Variants in ZNF721 observed in about 807,000 individuals in gnomAD.
ZNF721 encodes the protein zinc finger protein 721.
A neutral mutation model predicts 2.4 loss-of-function variants in ZNF721; 2 were observed. That is an observed-to-expected ratio of 0.82 (90% CI 0.34 to 2.58). The LOEUF (loss-of-function observed/expected upper bound fraction) is 2.58. ZNF721 is among the 30% of genes most tolerant of loss of function. The pLI is 0.11. For missense variants in ZNF721, 1,187 were observed against 1,085.5 expected, an observed-to-expected ratio of 1.09 and a Z score of -1.31; for synonymous variants, 398 against 381.8, an observed-to-expected ratio of 1.04 and a Z score of -0.50.
intron 2 of ZNF721, among the ~76,000 whole-genome samples, chr4:463,097 A>G (rs1553866300): frequency 6.6e-6 from 1 of 152,250 alleles, no homozygotes; most frequent in East Asian, 1.9e-4. Context: ...TGGGCAAAGG[A>G]TATGAACAGA....
chr4:458,041 G>C (rs1553865596), intron 2 of ZNF721, among the ~76,000 whole-genome samples: 1 of 152,222 alleles, frequency 6.6e-6, no homozygotes. Flanking sequence ...CTGTGATCAA[G>C]GGTCAGTACT....
intron 2 of ZNF721, among the ~76,000 whole-genome samples, chr4:445,363 C>A (rs1369929370): frequency 6.6e-6 from 1 of 152,098 alleles, no homozygotes; most frequent in Non-Finnish European, 1.5e-5. Context: ...AAGAGACATC[C>A]TTCCAACATG....
At chr4:481,575 CT>C (rs77613258) in intron 1 of ZNF721, among the ~76,000 whole-genome samples, 28,544 of 142,644 alleles carry the variant, frequency 0.2, 2,743 homozygotes, top group Middle Eastern at 0.25. Context: ...TCTTTTCTTT[CT>C]TTTTTTTTTT....
rs144969741 is a variant in ZNF721 at position 441,602 on chromosome 4, C to T, written c.*93G>A. The stretch of plus-strand genomic sequence containing the variant: ...AGGATTGAGGAGCATTTAAAGACCG[C>T]GACATTCGTCACCTTCGTAAGACAT... On this transcript the variant is annotated 3_prime_UTR_variant, in exon 3 of 3. Transcript: ENST00000511833. The T allele has an allele frequency of 6.3e-5, 68 of 1,085,964 alleles. No homozygotes were observed. Among genetic ancestry groups the T allele is most frequent in the Middle Eastern group, 2.1e-4 (1 of 4,796 alleles). The allele number at this position is 1,085,964 out of a possible 1,614,324, so 67.3% of individuals were successfully genotyped here.
At chr4:484,785 GC>G (rs1715851961) in intron 1 of ZNF721, among the ~76,000 whole-genome samples, 1 of 152,096 alleles carries the variant, frequency 6.6e-6, no homozygotes, top group South Asian at 2.1e-4. Context: ...TTTCACCCTG[GC>G]CCTGTGGTCC....
In ZNF721 at chr4:442,268, G is replaced by C; in HGVS notation, c.2199C>G (p.Ser733=). Residue 733 remains serine (S), a synonymous_variant, in exon 3 of 3, where the codon TCC becomes TCG. Coordinates refer to ENST00000511833, the MANE Select transcript of ZNF721 (RefSeq NM_133474.4). ...KPYKCEDRGR[S]FGWSTNLNEY... is the part of the protein sequence containing the mutation. ...CGTTCAGGTTTGTGGACCATCCAAA[G>C]GATCTGCCACGATCTTCACATTTGT... 2 of 1,613,312 alleles carry C rather than the reference G, an allele frequency of 1.2e-6. No individual in the cohort carries two copies. The highest frequency in any genetic ancestry group is 1.7e-6 in the Non-Finnish European group (2 of 1,179,434).
chr4:457,265 C>T (rs1345519730), intron 2 of ZNF721, among the ~76,000 whole-genome samples: 1 of 152,132 alleles, frequency 6.6e-6, no homozygotes, highest in African/African-American at 2.4e-5. Context: ...AGGAGGTTCT[C>T]TACCCACAAC....
At position 493,374 on chromosome 4, in the gene ZNF721, G is replaced by A. The variant is rs139085020; in HGVS notation, c.-94+5682C>T. On this transcript the variant is annotated intron_variant, in intron 1 of 2. Transcript: ENST00000511833. Reference sequence around the variant, plus strand: ...GTGTACTACACTGCCTAAAGCCACAGGATTAGAACGTATGGTAATCTAGGC... The same window carrying A: ...GTGTACTACACTGCCTAAAGCCACAAGATTAGAACGTATGGTAATCTAGGC... Among the ~76,000 whole-genome samples, 300 of 152,304 alleles carry A rather than the reference G, an allele frequency of 2.0e-3. 1 individual carries two copies. The highest frequency in any genetic ancestry group is 6.8e-3 in the African/African-American group (282 of 41,556).
rs544695078 is a variant in ZNF721 at position 476,607 on chromosome 4, GA to G, written c.-93-3907del. ...CCCACACCAGATCGACTGAGCAGTT[GA>G]TCTAATTTCTTTCCGCAATGAGCTT... On this transcript the variant is annotated intron_variant, in intron 1 of 2. Transcript: ENST00000511833. 1.9e-3 allele frequency among the ~76,000 whole-genome samples: 287 copies of G among 152,274 alleles called. 1 individual carries two copies. The highest frequency in any genetic ancestry group is 6.8e-3 in the Middle Eastern group (2 of 294).
At chr4:468,820 C>T (rs1002664366) in intron 2 of ZNF721, among the ~76,000 whole-genome samples, 4 of 152,182 alleles carry the variant, frequency 2.6e-5, no homozygotes, top group African/African-American at 9.7e-5. Flanking sequence ...AGACACAGGG[C>T]TGCTTCAGGG....
At chr4:494,369 G>A (rs1716097722) in intron 1 of ZNF721, among the ~76,000 whole-genome samples, 1 of 151,420 alleles carries the variant, frequency 6.6e-6, no homozygotes. Context: ...TGTATGTTTA[G>A]TAGAGATGGG....
intron 1 of ZNF721, among the ~76,000 whole-genome samples, chr4:498,237 A>AAAAAAAAAAAAC: frequency 6.7e-6 from 1 of 149,408 alleles, no homozygotes; most frequent in South Asian, 2.1e-4. Context: ...AAAAAAAAAA[A>AAAAAAAAAAAAC]AAAGAAGGAC....
chr4:445,160 T>G (rs1222277245), intron 2 of ZNF721, among the ~76,000 whole-genome samples: 1 of 151,946 alleles, frequency 6.6e-6, no homozygotes, highest in East Asian at 1.9e-4. Flanking sequence ...AATTTTTGTA[T>G]TTTTAGTAGA....
Position 440,999 on chromosome 4 carries a change from G to GT in ZNF721, c.*695dup, listed in dbSNP as rs1714214940. 6.6e-6 allele frequency: 1 copy of GT among 152,142 alleles called. No individual in the cohort carries two copies. The highest frequency in any genetic ancestry group is 6.5e-5 in the Admixed American group (1 of 15,276). 9.4% of individuals were successfully genotyped at this position (152,142 alleles called of 1,614,324 possible). A position where few individuals can be genotyped will look rare whatever the true frequency, so the allele number is the denominator to read the frequency against. On this transcript the variant is annotated 3_prime_UTR_variant, in exon 3 of 3. Transcript: ENST00000511833. ...CTTAACCTGCAGTTTCTGAACAGAG[G>GT]TTTTTCCACATTTATTACATTTGTA... is the stretch of plus-strand genomic sequence containing the variant.
chr4:491,828 C>T (rs1437204204), intron 1 of ZNF721, among the ~76,000 whole-genome samples: 3 of 151,850 alleles, frequency 2.0e-5, no homozygotes, highest in African/African-American at 7.3e-5. Context: ...AAAGCACATA[C>T]AGAAAGATAA....
chr4:455,460 G>C (rs1449387313), intron 2 of ZNF721, among the ~76,000 whole-genome samples: 2 of 152,060 alleles, frequency 1.3e-5, no homozygotes, highest in Non-Finnish European at 2.9e-5. Flanking sequence ...CCAGCTACTT[G>C]GGAGGCTGAG....
rs781889766 is a variant in ZNF721 at position 472,614 on chromosome 4, C to G, written c.-6G>C. Reference sequence around the variant, plus strand: ...TTTCTGTAGTTCTCCAACATCACATCTCTATACAAATTCTGCTGGGCAGGG... The same window carrying G: ...TTTCTGTAGTTCTCCAACATCACATGTCTATACAAATTCTGCTGGGCAGGG... On this transcript the variant is annotated 5_prime_UTR_variant, in exon 2 of 3. Coordinates refer to ENST00000511833, the MANE Select transcript of ZNF721 (RefSeq NM_133474.4). 1.4e-5 allele frequency: 22 copies of G among 1,614,052 alleles called. No homozygotes were observed. Among genetic ancestry groups the G allele is most frequent in the Non-Finnish European group, 1.9e-5 (22 of 1,179,996 alleles).
chr4:494,721 C>A (rs1376628226), intron 1 of ZNF721, among the ~76,000 whole-genome samples: 6 of 151,960 alleles, frequency 3.9e-5, no homozygotes, highest in Non-Finnish European at 8.8e-5. Context: ...TGAGCCAAAT[C>A]AAATATAAAT....
intron 2 of ZNF721, among the ~76,000 whole-genome samples, chr4:468,428 A>G (rs560097263): frequency 7.2e-5 from 11 of 151,880 alleles, no homozygotes; most frequent in African/African-American, 2.7e-4. Context: ...AGATTCCGTC[A>G]CAAAAAAAAG....
Sources: allele counts gnomAD v4.1 joint callset (sites outside exome capture counted in the v4.1 genomes callset), GRCh38; gene constraint gnomAD v4.1.1; transcripts MANE v1.5; gene names NCBI Gene and HGNC (gene_info 2026-07-23, HGNC 2026-07-21).